The following AGPS variants were observed in gnomAD, a reference collection of about 807,000 sequenced individuals.
AGPS encodes the protein alkylglycerone phosphate synthase.
In AGPS, 26 loss-of-function variants were observed where a neutral mutation model predicts 90.7. That is an observed-to-expected ratio of 0.29 (90% CI 0.21 to 0.40). AGPS has a LOEUF of 0.40. AGPS is among the 10% of genes least tolerant of loss of function. AGPS has a pLI of 1.00. For missense variants in AGPS, 540 were observed against 816.1 expected (o/e 0.66, Z 4.12); for synonymous variants, 294 against 285.3 (o/e 1.03, Z -0.31).
intron 17 of AGPS, among the ~76,000 whole-genome samples, chr2:177,518,840 G>T (rs1450476626): frequency 6.6e-6 from 1 of 151,992 alleles, no homozygotes. Context: ...GTGTCCTTTT[G>T]ATCTGGGAAA....
intron 14 of AGPS, 28 bp from the exon 15 acceptor site, chr2:177,505,478 T>G (rs1688682518): frequency 1.3e-6 from 2 of 1,595,834 alleles, no homozygotes; most frequent in African/African-American, 1.3e-5. Context: ...GATAAAAAAT[T>G]TATTAACAGT....
chr2:177,489,314 G>A (rs1280791155), intron 11 of AGPS, among the ~76,000 whole-genome samples: 1 of 152,034 alleles, frequency 6.6e-6, no homozygotes, highest in African/African-American at 2.4e-5. Context: ...TCGATCTCCT[G>A]ACCTCGTGAT....
intron 19 of AGPS, among the ~76,000 whole-genome samples, chr2:177,526,227 C>CTTTTTT (rs749224337): frequency 5.6e-5 from 7 of 124,298 alleles, no homozygotes; most frequent in Non-Finnish European, 8.5e-5. Context: ...AGCTTCTTGT[C>CTTTTTT]TTTTTTTTTT....
chr2:177,479,531 A>G (rs970511603), intron 10 of AGPS, among the ~76,000 whole-genome samples: 3 of 152,248 alleles, frequency 2.0e-5, no homozygotes, highest in South Asian at 2.1e-4. Flanking sequence ...ATGTTCATCA[A>G]CTGATGAGCA....
At chr2:177,452,656 G>C (rs1475826485) in intron 8 of AGPS, among the ~76,000 whole-genome samples, 2 of 152,020 alleles carry the variant, frequency 1.3e-5, no homozygotes, top group African/African-American at 4.8e-5. Context: ...GAGGTGTTTA[G>C]ATCATTTACC....
chr2:177,518,703 A>T (rs982847868), intron 17 of AGPS, among the ~76,000 whole-genome samples: 2 of 116,300 alleles, frequency 1.7e-5, no homozygotes, highest in African/African-American at 6.7e-5. Context: ...ATCTGTCTGT[A>T]TATGAGTCTA....
At chr2:177,512,989 A>G (rs1227746215) in intron 16 of AGPS, among the ~76,000 whole-genome samples, 1 of 151,844 alleles carries the variant, frequency 6.6e-6, no homozygotes, top group Non-Finnish European at 1.5e-5. Context: ...GACTACAGAC[A>G]TGCACCACCT....
At chr2:177,406,497 CAG>C (rs976245160) in intron 1 of AGPS, among the ~76,000 whole-genome samples, 5 of 152,128 alleles carry the variant, frequency 3.3e-5, no homozygotes, top group African/African-American at 1.2e-4. Context: ...GCATTTTAGA[CAG>C]GGGATATATA....
At chr2:177,514,066 A>G (rs1688956278) in intron 17 of AGPS, among the ~76,000 whole-genome samples, 158 bp downstream of exon 17, 1 of 152,100 alleles carries the variant, frequency 6.6e-6, no homozygotes, top group Non-Finnish European at 1.5e-5. Flanking sequence ...GGATTGTGCC[A>G]CTGGAATTTT....
At chr2:177,462,441 CT>C (rs1471293431) in intron 9 of AGPS, among the ~76,000 whole-genome samples, 1 of 151,478 alleles carries the variant, frequency 6.6e-6, no homozygotes, top group Non-Finnish European at 1.5e-5. Flanking sequence ...AGATTCCCCC[CT>C]CCCATAAATA....
chr2:177,493,994 T>C (rs771151838), intron 12 of AGPS, among the ~76,000 whole-genome samples: 2 of 152,126 alleles, frequency 1.3e-5, no homozygotes, highest in African/African-American at 4.8e-5. Flanking sequence ...ACTGATTTGA[T>C]TGGGTAGATT....
In AGPS at chr2:177,497,777, T is replaced by A. The variant is rs751939689; in HGVS notation, c.1362+12T>A. 7.4e-7 allele frequency: 1 copy of A among 1,358,434 alleles called. No homozygotes were observed. The highest frequency in any genetic ancestry group is 1.8e-5 in the Admixed American group (1 of 56,958). The allele number at this position is 1,358,434 out of a possible 1,614,324, so 84.1% of individuals were successfully genotyped here. A position where few individuals can be genotyped will look rare whatever the true frequency, so the allele number is the denominator to read the frequency against. ...TTTATATTACAAAGGTAAGAATTTTTATAAAATGCTAAAATTGTAAATGCT... is the reference window on the plus strand; with the variant it reads ...TTTATATTACAAAGGTAAGAATTTTAATAAAATGCTAAAATTGTAAATGCT... On this transcript the variant is annotated intron_variant, in intron 13 of 19. Transcript: ENST00000264167.
At chr2:177,522,401 A>G (rs1223836767) in intron 18 of AGPS, among the ~76,000 whole-genome samples, 1 of 152,146 alleles carries the variant, frequency 6.6e-6, no homozygotes, top group Non-Finnish European at 1.5e-5. Flanking sequence ...GAGGATATAA[A>G]TTCTTAGAGC....
At chr2:177,409,995 C>G (rs1452100826) in intron 1 of AGPS, among the ~76,000 whole-genome samples, 2 of 152,180 alleles carry the variant, frequency 1.3e-5, no homozygotes, top group Non-Finnish European at 2.9e-5. Flanking sequence ...CTATCAATGC[C>G]TAAATGAAAG....
chr2:177,419,144 G>C (rs1685872630), intron 1 of AGPS, among the ~76,000 whole-genome samples: 1 of 151,848 alleles, frequency 6.6e-6, no homozygotes, highest in Admixed American at 6.6e-5. Context: ...ATCTGGCTTA[G>C]TTGTATTATG....
At chr2:177,394,518 G>A (rs746024490) in intron 1 of AGPS, among the ~76,000 whole-genome samples, 2 of 152,212 alleles carry the variant, frequency 1.3e-5, no homozygotes, top group Non-Finnish European at 2.9e-5. Context: ...GAAGACTGGA[G>A]AGGTGAATCT....
chr2:177,419,031 G>C (rs933747519), intron 1 of AGPS, among the ~76,000 whole-genome samples: 2 of 151,880 alleles, frequency 1.3e-5, no homozygotes, highest in Non-Finnish European at 2.9e-5. Flanking sequence ...AGGGACTGTA[G>C]CTTTTATTAA....
intron 13 of AGPS, 64 bp from the exon 14 acceptor site, chr2:177,499,554 A>G: frequency 9.0e-7 from 1 of 1,110,096 alleles, no homozygotes; most frequent in Non-Finnish European, 1.3e-6. Context: ...AGCAAAATGT[A>G]TTTTGATTTA....
intron 8 of AGPS, among the ~76,000 whole-genome samples, chr2:177,450,347 A>G (rs1359222859): frequency 6.6e-6 from 1 of 152,046 alleles, no homozygotes; most frequent in Non-Finnish European, 1.5e-5. Flanking sequence ...TCTTTCTATC[A>G]TGCTTCTGCT....
Sources: gnomAD v4.1 joint callset for allele counts (sites outside exome capture counted in the v4.1 genomes callset) on GRCh38, gnomAD v4.1.1 for gene constraint, MANE v1.5 for transcripts, NCBI Gene and HGNC (gene_info 2026-07-23, HGNC 2026-07-21) for gene names.